RAB8B: variants seen among roughly 807,000 people sequenced by gnomAD.
RAB8B encodes ras-related protein Rab-8B.
RAB8B carries 11 observed loss-of-function variants against 32.0 expected under a neutral mutation model. That is an observed-to-expected ratio of 0.34 (90% confidence interval 0.22 to 0.57). The LOEUF (loss-of-function observed/expected upper bound fraction) is 0.57. Among genes scored for constraint, RAB8B ranks in the 20% least tolerant of loss-of-function variants. The pLI, the probability that RAB8B is intolerant of heterozygous loss-of-function variation, is 0.86. For missense variants in RAB8B, 190 were observed against 258.5 expected, an observed-to-expected ratio of 0.73 and a Z score of 1.82; for synonymous variants, 103 against 89.6, an observed-to-expected ratio of 1.15 and a Z score of -0.85.
At chr15:63,233,866 A>G (rs2037955961) in intron 1 of RAB8B, among the ~76,000 whole-genome samples, 1 of 152,196 alleles carries the variant, frequency 6.6e-6, no homozygotes, top group African/African-American at 2.4e-5. Context: ...AAGTGGGTCA[A>G]AGGGGATAGA....
At chr15:63,197,715 A>G (rs1414665164) in intron 1 of RAB8B, among the ~76,000 whole-genome samples, 1 of 152,070 alleles carries the variant, frequency 6.6e-6, no homozygotes, top group Admixed American at 6.6e-5. Context: ...TTGGCATAGT[A>G]TGTTGAGGAA....
In RAB8B at chr15:63,264,424, A is replaced by G. The variant is rs926075056; in HGVS notation, c.*805A>G. 6.6e-6 allele frequency: 1 copy of G among 152,178 alleles called. No homozygotes were observed. Among genetic ancestry groups the G allele is most frequent in the Non-Finnish European group, 1.5e-5 (1 of 68,022 alleles). 9.4% of individuals were successfully genotyped at this position (152,178 alleles called of 1,614,324 possible). On this transcript the variant is annotated 3_prime_UTR_variant, in exon 8 of 8. Coordinates refer to ENST00000321437, the MANE Select transcript of RAB8B (RefSeq NM_016530.3). ...TATTTGAACATTATTATCTGTTTCT[A>G]TTTGTGAACTTCTTGAGCTGAAATT... is the stretch of plus-strand genomic sequence containing the variant.
chr15:63,230,532 C>G (rs1367007641), intron 1 of RAB8B, among the ~76,000 whole-genome samples: 1 of 152,178 alleles, frequency 6.6e-6, no homozygotes, highest in Admixed American at 6.5e-5. Flanking sequence ...GAACTCCTGA[C>G]CTCAGGTGAT....
intron 1 of RAB8B, among the ~76,000 whole-genome samples, chr15:63,226,351 G>A (rs1044370670): frequency 6.6e-6 from 1 of 152,132 alleles, no homozygotes; most frequent in Non-Finnish European, 1.5e-5. Context: ...ATACTCACAC[G>A]TAGGATAAGG....
chr15:63,199,827 C>T lies in RAB8B; in HGVS notation c.124+10079C>T, dbSNP rs181417147. The stretch of plus-strand genomic sequence containing the variant: ...GAATCCTGAGCTCAAGTGATCTGCC[C>T]GCCTCAACCTCCCAAAGTGCTAGGA... On this transcript the variant is annotated intron_variant, in intron 1 of 7. Transcript: ENST00000321437. Among the ~76,000 whole-genome samples, 35 of 152,146 alleles carry T rather than the reference C, an allele frequency of 2.3e-4. No homozygotes were observed. The East Asian group carries it at 4.2e-3, about 18-fold the overall frequency.
At chr15:63,214,879 T>C (rs1415563363) in intron 1 of RAB8B, among the ~76,000 whole-genome samples, 1 of 152,158 alleles carries the variant, frequency 6.6e-6, no homozygotes. Context: ...ACACATATAG[T>C]ATTTAATTTT....
rs1415707782 is a variant in RAB8B, at chr15:63,262,731, A to C, written c.520A>C (p.Asn174His). The C allele has an allele frequency of 6.9e-7, 1 of 1,456,634 alleles. No individual in the cohort carries two copies. Among genetic ancestry groups the C allele is most frequent in the African/African-American group, 1.5e-5 (1 of 67,556 alleles). The allele number at this position is 1,456,634 out of a possible 1,614,324, so 90.2% of individuals were successfully genotyped here. The change falls in exon 7 of 8, where the codon AAC becomes CAC. Residue 174 changes from asparagine to histidine, a missense_variant. This residue lies in a region of RAB8B where 110 missense variants were observed against 115.9 expected (regional missense o/e 0.95). Coordinates refer to ENST00000321437, the MANE Select transcript of RAB8B (RefSeq NM_016530.3). ...TLARDIMTKL[N>H]RKMNDSNSAG... ...TGCACGAGATATAATGACAAAACTC[A>C]ACAGAAAAATGGTTTGTATCACTTA...
intron 5 of RAB8B, 144 bp downstream of exon 5, chr15:63,256,738 A>G (rs2038161920): frequency 4.8e-6 from 3 of 631,322 alleles, no homozygotes; most frequent in Non-Finnish European, 8.1e-6. Flanking sequence ...GATGTAATCC[A>G]TACTTGAATG....
chr15:63,243,697 A>AG (rs1173902810), intron 1 of RAB8B, among the ~76,000 whole-genome samples: 2 of 152,146 alleles, frequency 1.3e-5, no homozygotes, highest in African/African-American at 4.8e-5. Flanking sequence ...AATTTGGGGA[A>AG]GGGGGCAGGC....
At position 63,232,072 on chromosome 15, in the gene RAB8B, C is replaced by T. The variant is rs2037940793; in HGVS notation, c.125-12684C>T. Among the ~76,000 whole-genome samples, 4 of 152,148 alleles carry T rather than the reference C, an allele frequency of 2.6e-5. 1 individual carries two copies. In the South Asian group the frequency reaches 8.3e-4, roughly 32 times the overall value. On this transcript the variant is annotated intron_variant, in intron 1 of 7. Transcript: ENST00000321437. Reference sequence around the variant, plus strand: ...ATCAGATTTAAAATTCTCAGTGTTTCCTAATTGTTTCTGCATACTTTACCT... The same window carrying T: ...ATCAGATTTAAAATTCTCAGTGTTTTCTAATTGTTTCTGCATACTTTACCT...
intron 1 of RAB8B, among the ~76,000 whole-genome samples, chr15:63,192,672 A>G (rs180771798): frequency 6.6e-6 from 1 of 152,348 alleles, no homozygotes; most frequent in Admixed American, 6.5e-5. Flanking sequence ...AGTAGTTTTA[A>G]AAATGGTAAT....
chr15:63,253,569 C>A (rs2038134072), intron 3 of RAB8B, among the ~76,000 whole-genome samples: 1 of 152,006 alleles, frequency 6.6e-6, no homozygotes, highest in Admixed American at 6.6e-5. Flanking sequence ...GTAATCTCAG[C>A]AGCTCGGGAG....
At chr15:63,233,392 T>C (rs1295271039) in intron 1 of RAB8B, among the ~76,000 whole-genome samples, 1 of 152,212 alleles carries the variant, frequency 6.6e-6, no homozygotes, top group Non-Finnish European at 1.5e-5. Flanking sequence ...TTGATTTATT[T>C]CTACCTTTAC....
intron 1 of RAB8B, among the ~76,000 whole-genome samples, chr15:63,196,710 T>G (rs1030635530): frequency 6.6e-6 from 1 of 152,228 alleles, no homozygotes; most frequent in Non-Finnish European, 1.5e-5. Flanking sequence ...TATAGATGAT[T>G]AGATGATATT....
At chr15:63,219,341 G>A (rs2037823781) in intron 1 of RAB8B, among the ~76,000 whole-genome samples, 1 of 151,204 alleles carries the variant, frequency 6.6e-6, no homozygotes. Flanking sequence ...TCGAGAGAGA[G>A]AATGTGACCT....
chr15:63,193,810 C>A (rs1198145123), intron 1 of RAB8B, among the ~76,000 whole-genome samples: 1 of 142,128 alleles, frequency 7.0e-6, no homozygotes, highest in Non-Finnish European at 1.5e-5. Flanking sequence ...GACTCCATCT[C>A]AAAAAACAAC....
chr15:63,251,288 G>A (rs1595749122), intron 3 of RAB8B: 2 of 456,018 alleles, frequency 4.4e-6, no homozygotes, highest in South Asian at 1.5e-5. Context: ...CCCCAGGAAG[G>A]AATTTTAGGG....
intron 1 of RAB8B, among the ~76,000 whole-genome samples, chr15:63,192,940 A>G (rs552834713): frequency 6.6e-6 from 1 of 152,290 alleles, no homozygotes; most frequent in African/African-American, 2.4e-5. Flanking sequence ...CAAAAATACA[A>G]AAATTCACCA....
chr15:63,230,966 G>T (rs1213314046), intron 1 of RAB8B, among the ~76,000 whole-genome samples: 1 of 152,084 alleles, frequency 6.6e-6, no homozygotes, highest in Middle Eastern at 3.2e-3. Context: ...CTAGTAATTT[G>T]GTAAAGACCC....
Sources: allele counts gnomAD v4.1 joint callset (sites outside exome capture counted in the v4.1 genomes callset), GRCh38; gene constraint gnomAD v4.1.1; regional missense constraint gnomAD v4.1.1; transcripts MANE v1.5; gene names NCBI Gene and HGNC (gene_info 2026-07-23, HGNC 2026-07-21).